ZKSCAN1: variants seen among roughly 807,000 people sequenced by gnomAD.
The protein encoded by ZKSCAN1 is zinc finger with KRAB and SCAN domains 1, also known as zinc finger protein with KRAB and SCAN domains 1.
In ZKSCAN1, 14 loss-of-function variants were observed where a neutral mutation model predicts 51.6. That is an observed-to-expected ratio of 0.27 (90% CI 0.18 to 0.42). The LOEUF (loss-of-function observed/expected upper bound fraction) is 0.42, where lower values mean the gene tolerates loss of function less well. ZKSCAN1 is among the 10% of genes least tolerant of loss of function. The pLI is 1.00. For synonymous variants in ZKSCAN1, 263 were observed against 261.5 expected (o/e 1.01, Z -0.06); for missense variants, 531 against 710.0 (o/e 0.75, Z 2.86).
chr7:100,021,123 T>TTTC (rs1335604489), intron 1 of ZKSCAN1, among the ~76,000 whole-genome samples: 7 of 139,508 alleles, frequency 5.0e-5, no homozygotes, highest in Admixed American at 3.6e-4. Context: ...TTCCTTTTTT[T>TTTC]TTTTTTTTTT....
chr7:100,043,368 A>T (rs915229492), downstream of ZKSCAN1, among the ~76,000 whole-genome samples: 1 of 151,168 alleles, frequency 6.6e-6, no homozygotes, highest in East Asian at 2.0e-4. Flanking sequence ...TGCCCGACCC[A>T]GAACTGGATT....
chr7:100,027,763 A>C (rs1338749964), intron 3 of ZKSCAN1, among the ~76,000 whole-genome samples: 1 of 149,420 alleles, frequency 6.7e-6, no homozygotes, highest in East Asian at 2.0e-4. Context: ...AAAAAAAAAA[A>C]AACACCGGTG....
Position 100,030,043 on chromosome 7 carries a change from C to A in ZKSCAN1, c.672+91C>A, listed in dbSNP as rs1791040469. ...TTATCTCCACAGGCCACTCTGGATGCCCCTGCTCTCAAAGAAGCCCCAACC... is the reference window on the plus strand; with the variant it reads ...TTATCTCCACAGGCCACTCTGGATGACCCTGCTCTCAAAGAAGCCCCAACC... On this transcript the variant is annotated intron_variant, in intron 4 of 5. Transcript: ENST00000324306. The A allele has an allele frequency of 6.1e-6, 9 of 1,464,234 alleles. No individual in the cohort carries two copies. In the South Asian group the frequency reaches 7.1e-5, roughly 12 times the overall value. The allele number at this position is 1,464,234 out of a possible 1,614,324, so 90.7% of individuals were successfully genotyped here.
intron 5 of ZKSCAN1, among the ~76,000 whole-genome samples, chr7:100,032,944 C>T (rs576714928): frequency 2.1e-4 from 32 of 149,528 alleles, no homozygotes; most frequent in Non-Finnish European, 4.3e-4. Flanking sequence ...GGAGGCGGAG[C>T]TTGCAGTGAG....
At position 100,041,680 on chromosome 7, in the gene ZKSCAN1, C is replaced by G; in HGVS notation, c.*7483C>G. The G allele has an allele frequency of 1.0e-6, 1 of 985,344 alleles. No individual in the cohort carries two copies. The highest frequency in any genetic ancestry group is 1.2e-6 in the Non-Finnish European group (1 of 829,918). 61.0% of individuals were successfully genotyped at this position (985,344 alleles called of 1,614,324 possible). ...ATGGTAAAACAATAAATTATCATCTCTAGGTGGCAGTGCTTGTGCTGGTTT... is the reference window on the plus strand; with the variant it reads ...ATGGTAAAACAATAAATTATCATCTGTAGGTGGCAGTGCTTGTGCTGGTTT... On this transcript the variant is annotated 3_prime_UTR_variant, in exon 6 of 6. Transcript: ENST00000324306.
Position 100,038,810 on chromosome 7 carries a change from A to G in ZKSCAN1, c.*4613A>G, listed in dbSNP as rs1142566. 16 of 823,012 alleles carry G rather than the reference A, an allele frequency of 1.9e-5. No individual in the cohort carries two copies. In the South Asian group the frequency reaches 2.2e-4, roughly 11 times the overall value. The allele number at this position is 823,012 out of a possible 1,614,324, so 51.0% of individuals were successfully genotyped here. A position where few individuals can be genotyped will look rare whatever the true frequency, so the allele number is the denominator to read the frequency against. ...GGAGATCGAGACCATCCTGGCTAACATGGCGAAACCCCGTCTCTACTAAAA... is the reference window on the plus strand; with the variant it reads ...GGAGATCGAGACCATCCTGGCTAACGTGGCGAAACCCCGTCTCTACTAAAA... On this transcript the variant is annotated 3_prime_UTR_variant, in exon 6 of 6. Coordinates refer to ENST00000324306, the MANE Select transcript of ZKSCAN1 (RefSeq NM_003439.4).
chr7:100,017,511 C>CCTCACCCAGCCCCAAGTTTCTAAAA (rs1790419562), intron 1 of ZKSCAN1, among the ~76,000 whole-genome samples: 1 of 152,238 alleles, frequency 6.6e-6, no homozygotes, highest in Non-Finnish European at 1.5e-5. Flanking sequence ...GCGTGAGCCA[C>CCTCACCCAGCCCCAAGTTTCTAAAA]TGTGTGCCCA....
In ZKSCAN1 at chr7:100,041,201, A is replaced by G. The variant is rs1273593501; in HGVS notation, c.*7004A>G. The G allele has an allele frequency of 6.6e-6, 5 of 760,528 alleles. No homozygotes were observed. Among genetic ancestry groups the G allele is most frequent in the Non-Finnish European group, 8.0e-6 (5 of 624,852 alleles). 47.1% of individuals were successfully genotyped at this position (760,528 alleles called of 1,614,324 possible). On this transcript the variant is annotated 3_prime_UTR_variant, in exon 6 of 6. Coordinates refer to ENST00000324306, the MANE Select transcript of ZKSCAN1 (RefSeq NM_003439.4). ...TTCTTCGTTTAGAATAAATTAGACCAAAAGAAGAAACGTGCTTGTCTCTGT... is the reference window on the plus strand; with the variant it reads ...TTCTTCGTTTAGAATAAATTAGACCGAAAGAAGAAACGTGCTTGTCTCTGT...
intron 1 of ZKSCAN1, among the ~76,000 whole-genome samples, chr7:100,020,533 G>A (rs1790547045): frequency 6.6e-6 from 1 of 152,168 alleles, no homozygotes; most frequent in Non-Finnish European, 1.5e-5. Context: ...AGTATGGCCT[G>A]TAATCCCAGC....
chr7:100,021,116 CTTTTTTT>C (rs60632908), intron 1 of ZKSCAN1, among the ~76,000 whole-genome samples: 9 of 85,292 alleles, frequency 1.1e-4, no homozygotes, highest in African/African-American at 1.3e-4. Context: ...TTTTTTTTTC[CTTTTTTT>C]TTTTTTTTTT....
chr7:100,032,470 A>T (rs1391941313), intron 5 of ZKSCAN1, among the ~76,000 whole-genome samples: 1 of 151,856 alleles, frequency 6.6e-6, no homozygotes, highest in Non-Finnish European at 1.5e-5. Flanking sequence ...CTGCGCTCTC[A>T]TTTTCCAAAT....
At chr7:100,030,144 G>A in intron 4 of ZKSCAN1, 105 bp from the exon 5 acceptor site, 2 of 1,527,138 alleles carry the variant, frequency 1.3e-6, no homozygotes, top group Non-Finnish European at 8.9e-7. Flanking sequence ...TTTCTTCCCA[G>A]CGTCCTGTAG....
Position 100,023,862 on chromosome 7 carries a change from A to G in ZKSCAN1, c.356A>G (p.Tyr119Cys), listed in dbSNP as rs772523643. The G allele has an allele frequency of 6.2e-7, 1 of 1,613,724 alleles. No homozygotes were observed. ...PKELQVWLQE[Y>C]RPDSGEEAVT... ...GAGCTCCAGGTCTGGCTGCAGGAAT[A>G]CCGCCCCGATAGTGGAGAGGAGGCC... Residue 119 changes from tyrosine (Y) to cysteine (C), a missense_variant, in exon 2 of 6, where the codon TAC (tyrosine) becomes TGC (cysteine). Transcript: ENST00000324306.
rs910491113 is a variant in ZKSCAN1 at position 100,015,599 on chromosome 7, A to G, written c.-216A>G. 2 of 151,910 alleles carry G rather than the reference A, an allele frequency of 1.3e-5. No individual in the cohort carries two copies. Among genetic ancestry groups the G allele is most frequent in the Non-Finnish European group, 2.9e-5 (2 of 68,002 alleles). 9.4% of individuals were successfully genotyped at this position (151,910 alleles called of 1,614,324 possible). A position where few individuals can be genotyped will look rare whatever the true frequency, so the allele number is the denominator to read the frequency against. On this transcript the variant is annotated 5_prime_UTR_variant, in exon 1 of 6. Transcript: ENST00000324306. Reference sequence around the variant, plus strand: ...TGGTGACACGCTTCCGGCCTTTGTGACTCATTGTGTCTGTGTCGAGGCGTC... The same window carrying G: ...TGGTGACACGCTTCCGGCCTTTGTGGCTCATTGTGTCTGTGTCGAGGCGTC...
Position 100,023,700 on chromosome 7 carries a change from A to G in ZKSCAN1, c.194A>G (p.Gln65Arg). The change falls in exon 2 of 6, where the codon CAG (glutamine) becomes CGG (arginine). Residue 65 changes from glutamine to arginine, a missense_variant. By Grantham distance (43) the Gln-to-Arg change is conservative (BLOSUM62 1). This residue lies in a region of ZKSCAN1 where 403 missense variants were observed against 490.5 expected (regional missense o/e 0.82). Coordinates refer to ENST00000324306, the MANE Select transcript of ZKSCAN1 (RefSeq NM_003439.4). ...CAACGCTTCAGGCGCTTCTGTTACC[A>G]GAACACTTTTGGGCCCCGAGAGGCT... ...FRQRFRRFCYQNTFGPREALS... is the reference protein window; with the variant it reads ...FRQRFRRFCYRNTFGPREALS... 4 of 1,614,214 alleles carry G rather than the reference A, an allele frequency of 2.5e-6. No homozygotes were observed. Among genetic ancestry groups the G allele is most frequent in the Non-Finnish European group, 3.4e-6 (4 of 1,180,042 alleles).
rs1791527611 is a variant in ZKSCAN1 at position 100,040,032 on chromosome 7, T to C, written c.*5835T>C. ...ACACTACATTTAAAAGCAATTATTT[T>C]GCTATTCAGATTTTTTATTATCTGA... On this transcript the variant is annotated 3_prime_UTR_variant, in exon 6 of 6. Transcript: ENST00000324306. 1.1e-6 allele frequency: 1 copy of C among 875,136 alleles called. No individual in the cohort carries two copies. The highest frequency in any genetic ancestry group is 6.2e-5 in the Admixed American group (1 of 16,112). 54.2% of individuals were successfully genotyped at this position (875,136 alleles called of 1,614,324 possible).
rs1184714534 is a variant in ZKSCAN1 at position 100,038,220 on chromosome 7, C to T, written c.*4023C>T. The T allele has an allele frequency of 5.1e-6, 5 of 985,246 alleles. No individual in the cohort carries two copies. Among genetic ancestry groups the T allele is most frequent in the East Asian group, 1.1e-4 (1 of 8,818 alleles). The allele number at this position is 985,246 out of a possible 1,614,324, so 61.0% of individuals were successfully genotyped here. ...TACCTTCAGTCCCTTGTTATTGTTC[C>T]GTATATTACCTGTAAGCAGATACTG... On this transcript the variant is annotated 3_prime_UTR_variant, in exon 6 of 6. Transcript: ENST00000324306.
At chr7:100,022,439 G>A (rs1344181699) in intron 1 of ZKSCAN1, among the ~76,000 whole-genome samples, 1 of 152,252 alleles carries the variant, frequency 6.6e-6, no homozygotes, top group Admixed American at 6.5e-5. Context: ...AACAACACCT[G>A]TGACAGGTCA....
downstream of ZKSCAN1, among the ~76,000 whole-genome samples, chr7:100,042,338 A>AGG (rs372271851): frequency 3.6e-5 from 5 of 139,140 alleles, no homozygotes; most frequent in African/African-American, 1.3e-4. Flanking sequence ...AAAAAAAAAA[A>AGG]GGTGAACTGG....
Sources: gnomAD v4.1 joint callset for allele counts (sites outside exome capture counted in the v4.1 genomes callset) on GRCh38, gnomAD v4.1.1 for gene constraint, gnomAD v4.1.1 regional missense constraint, MANE v1.5 for transcripts, NCBI Gene and HGNC (gene_info 2026-07-23, HGNC 2026-07-21) for gene names.